Variants in RAP1GDS1 observed in about 807,000 individuals in gnomAD.
The protein encoded by RAP1GDS1 is Rap1 GTPase-GDP dissociation stimulator 1.
Under a neutral mutation model 71.1 loss-of-function variants are expected in RAP1GDS1, and 35 were observed. That is an observed-to-expected ratio of 0.49 (90% CI 0.38 to 0.65). RAP1GDS1 has a LOEUF of 0.65. Ranked by LOEUF, RAP1GDS1 falls within the 30% of genes least tolerant of loss-of-function variation. RAP1GDS1 has a pLI of 0.00. For synonymous variants in RAP1GDS1, 229 were observed against 243.1 expected (o/e 0.94, Z 0.54); for missense variants, 663 against 706.1 (o/e 0.94, Z 0.69).
rs36034058 is a variant in RAP1GDS1 at position 98,438,567 on chromosome 4, C to CATATATATATATATAT, written c.1696+1506_1696+1521dup. ...TTTTAATCATTTACATTTATTCTTC[C>CATATATATATATATAT]ATATATATATATATATATATATCTT... On this transcript the variant is annotated intron_variant, in intron 14 of 14. Transcript: ENST00000408927. Among the ~76,000 whole-genome samples the CATATATATATATATAT allele has an allele frequency of 8.1e-4, 85 of 104,702 alleles. 2 individuals carry two copies. Among genetic ancestry groups the CATATATATATATATAT allele is most frequent in the African/African-American group, 1.7e-3 (39 of 23,632 alleles). The allele number at this position is 104,702 out of a possible 152,430, so 68.7% of individuals were successfully genotyped here.
At chr4:98,315,626 T>C (rs1408876037) in intron 2 of RAP1GDS1, among the ~76,000 whole-genome samples, 1 of 151,996 alleles carries the variant, frequency 6.6e-6, no homozygotes, top group African/African-American at 2.4e-5. Flanking sequence ...AAGCTTGGTA[T>C]GGCTAGCAAA....
intron 2 of RAP1GDS1, among the ~76,000 whole-genome samples, chr4:98,340,553 GCC>G (rs1480121464): frequency 6.6e-6 from 1 of 152,010 alleles, no homozygotes; most frequent in Non-Finnish European, 1.5e-5. Flanking sequence ...TTCAAGACCA[GCC>G]TGGCCAACAT....
chr4:98,331,310 G>A (rs915661833), intron 2 of RAP1GDS1, among the ~76,000 whole-genome samples: 2 of 151,250 alleles, frequency 1.3e-5, no homozygotes, highest in African/African-American at 4.9e-5. Context: ...GAAGGAGAGG[G>A]GGAGACCGTG....
intron 2 of RAP1GDS1, among the ~76,000 whole-genome samples, chr4:98,342,059 C>A (rs2110394647): frequency 6.6e-6 from 1 of 152,004 alleles, no homozygotes; most frequent in African/African-American, 2.4e-5. Flanking sequence ...TCTTCATTCC[C>A]CAAGTAGATT....
At chr4:98,434,188 C>T in intron 13 of RAP1GDS1, 126 bp downstream of exon 13, 1 of 1,139,708 alleles carries the variant, frequency 8.8e-7, no homozygotes. Context: ...GTACCGTTCT[C>T]TGAATCTATG....
chr4:98,396,821 C>T (rs959687560), intron 6 of RAP1GDS1: 1 of 152,130 alleles, frequency 6.6e-6, no homozygotes, highest in Admixed American at 6.5e-5. Flanking sequence ...GTTTAAAATT[C>T]ATGTCACATA....
chr4:98,432,935 T>A (rs1440296195), intron 12 of RAP1GDS1, among the ~76,000 whole-genome samples: 1 of 151,674 alleles, frequency 6.6e-6, no homozygotes, highest in Non-Finnish European at 1.5e-5. Context: ...TGGTCTTATA[T>A]GTTTTCTGTG....
chr4:98,332,904 C>T lies in RAP1GDS1; in HGVS notation c.113-10235C>T, dbSNP rs148636633. On this transcript the variant is annotated intron_variant, in intron 2 of 14. Coordinates refer to ENST00000408927, the MANE Select transcript of RAP1GDS1 (RefSeq NM_001100427.2). ...TAATTATAGCCAACTTGATCACACA[C>T]AATTTCTTTCCTAAATTCATCTTTC... Among the ~76,000 whole-genome samples the T allele has an allele frequency of 3.6e-4, 55 of 152,276 alleles. 2 individuals carry two copies. The highest frequency in any genetic ancestry group is 1.3e-3 in the African/African-American group (52 of 41,586).
intron 9 of RAP1GDS1, among the ~76,000 whole-genome samples, chr4:98,418,057 G>C (rs1200023296): frequency 6.6e-6 from 1 of 152,028 alleles, no homozygotes; most frequent in Non-Finnish European, 1.5e-5. Flanking sequence ...AGGAAATACA[G>C]TTTATTTTTC....
intron 6 of RAP1GDS1, among the ~76,000 whole-genome samples, chr4:98,398,269 A>C (rs1448487858): frequency 6.6e-6 from 1 of 152,144 alleles, no homozygotes; most frequent in Non-Finnish European, 1.5e-5. Context: ...AAATATAAGA[A>C]GATCAGACCA....
chr4:98,354,055 C>CTTT (rs895411941), intron 4 of RAP1GDS1, among the ~76,000 whole-genome samples: 1 of 134,958 alleles, frequency 7.4e-6, no homozygotes, highest in Non-Finnish European at 1.6e-5. Context: ...CAAAAGTATT[C>CTTT]TTTTTTTTTT....
chr4:98,287,293 T>C (rs1264394909), intron 1 of RAP1GDS1, among the ~76,000 whole-genome samples: 1 of 152,204 alleles, frequency 6.6e-6, no homozygotes, highest in East Asian at 1.9e-4. Context: ...AATAATCTCA[T>C]AAATAGATTA....
rs532772011 is a variant in RAP1GDS1 at position 98,344,476 on chromosome 4, T to C, written c.235+1215T>C. 2.0e-5 allele frequency among the ~76,000 whole-genome samples: 3 copies of C among 152,218 alleles called. No individual in the cohort carries two copies. The East Asian group carries it at 5.8e-4, about 29-fold the overall frequency. ...AAATCTTTTTTCTTAAGCATTCTTA[T>C]AGTATAAAATCTGAAATTTTGGATA... On this transcript the variant is annotated intron_variant, in intron 3 of 14. Transcript: ENST00000408927.
At chr4:98,420,755 G>C (rs1468715107) in intron 11 of RAP1GDS1, among the ~76,000 whole-genome samples, 5 of 152,156 alleles carry the variant, frequency 3.3e-5, no homozygotes, top group Admixed American at 2.6e-4. Context: ...GTTTCGGCAG[G>C]GGGTGTTGTG....
intron 2 of RAP1GDS1, among the ~76,000 whole-genome samples, chr4:98,313,522 A>G (rs1730556304): frequency 6.6e-6 from 1 of 152,154 alleles, no homozygotes; most frequent in African/African-American, 2.4e-5. Context: ...AGTGAGGAAT[A>G]CCTTAGCATT....
chr4:98,336,924 T>C (rs1019474044), intron 2 of RAP1GDS1, among the ~76,000 whole-genome samples: 2 of 152,176 alleles, frequency 1.3e-5, no homozygotes, highest in African/African-American at 4.8e-5. Context: ...AGGCAGAGTC[T>C]CGCTTTGTTG....
chr4:98,414,689 G>C (rs918406256), intron 7 of RAP1GDS1, among the ~76,000 whole-genome samples: 1 of 151,108 alleles, frequency 6.6e-6, no homozygotes, highest in Non-Finnish European at 1.5e-5. Flanking sequence ...GGATTGACTT[G>C]GCGATGCGGG....
chr4:98,418,734 G>A lies in RAP1GDS1; in HGVS notation c.1117G>A (p.Gly373Arg). 2 of 1,612,352 alleles carry A rather than the reference G, an allele frequency of 1.2e-6. No individual in the cohort carries two copies. The highest frequency in any genetic ancestry group is 1.7e-6 in the Non-Finnish European group (2 of 1,179,254). ...TTTACTGGACAGACATGTAGAAGAT[G>A]GAAATGTAACAGTACAGCATGCAGC... ...MDLLDRHVED[G>R]NVTVQHAALS... The change falls in exon 10 of 15, where the codon GGA becomes AGA. Residue 373 changes from glycine to arginine, a missense_variant. Physicochemically the swap from Gly to Arg is moderately radical, Grantham distance 125. Coordinates refer to ENST00000408927, the MANE Select transcript of RAP1GDS1 (RefSeq NM_001100427.2).
chr4:98,330,488 G>A lies in RAP1GDS1; in HGVS notation c.113-12651G>A, dbSNP rs547336401. Among the ~76,000 whole-genome samples, 188 of 143,736 alleles carry A rather than the reference G, an allele frequency of 1.3e-3. 1 individual carries two copies. The highest frequency in any genetic ancestry group is 4.7e-3 in the African/African-American group (178 of 38,254). The allele number at this position is 143,736 out of a possible 152,430, so 94.3% of individuals were successfully genotyped here. A position where few individuals can be genotyped will look rare whatever the true frequency, so the allele number is the denominator to read the frequency against. ...GACGGGGTGGCGGCTGGGCAGAGGC[G>A]CTCCTCACCTCCCAGACGGGGTGGT... On this transcript the variant is annotated intron_variant, in intron 2 of 14. Coordinates refer to ENST00000408927, the MANE Select transcript of RAP1GDS1 (RefSeq NM_001100427.2).
Sources: allele counts gnomAD v4.1 joint callset (sites outside exome capture counted in the v4.1 genomes callset), GRCh38; gene constraint gnomAD v4.1.1; transcripts MANE v1.5; gene names NCBI Gene and HGNC (gene_info 2026-07-23, HGNC 2026-07-21).